Variants in HS3ST3A1 observed in about 807,000 individuals in gnomAD.
The protein encoded by HS3ST3A1 is heparan sulfate-glucosamine 3-sulfotransferase 3A1, also known as heparan sulfate glucosamine 3-O-sulfotransferase 3A1.
Under a neutral mutation model 25.7 loss-of-function variants are expected in HS3ST3A1, and 19 were observed. The ratio of observed to expected loss-of-function variants is 0.74; its 90% CI spans 0.52 to 1.08. HS3ST3A1 has a LOEUF of 1.08. Among genes scored for constraint, HS3ST3A1 ranks in the 50% least tolerant of loss-of-function variants. The pLI is 0.00. For synonymous variants in HS3ST3A1, 226 were observed against 278.6 expected (o/e 0.81, Z 1.88); for missense variants, 459 against 594.3 (o/e 0.77, Z 2.37).
Position 13,577,880 on chromosome 17 carries a change from G to GTA in HS3ST3A1, c.599+22650_599+22651insTA, listed in dbSNP as rs1555542367. 2.9e-4 allele frequency among the ~76,000 whole-genome samples: 44 copies of GTA among 152,100 alleles called. 1 individual carries two copies. The East Asian group carries it at 8.3e-3, about 29-fold the overall frequency. ...GTAGCAGTTTCTGGTGTGTGTGTGT[G>GTA]TGTGTGTGTCAAAAGAATTCTTAGA... is the stretch of plus-strand genomic sequence containing the variant. On this transcript the variant is annotated intron_variant, in intron 1 of 1. Transcript: ENST00000284110.
In HS3ST3A1 at chr17:13,591,014, G is replaced by A. The variant is rs553866359; in HGVS notation, c.599+9517C>T. 7.3e-5 allele frequency among the ~76,000 whole-genome samples: 11 copies of A among 151,166 alleles called. No homozygotes were observed. The South Asian group carries it at 8.4e-4, about 12-fold the overall frequency. ...TGCTCCAATTCCAGATTCAGCAAGC[G>A]TCCTTCTGATTACATTTATTTTCTT... On this transcript the variant is annotated intron_variant, in intron 1 of 1. Transcript: ENST00000284110.
chr17:13,584,303 C>A (rs978158277), intron 1 of HS3ST3A1, among the ~76,000 whole-genome samples: 1 of 152,010 alleles, frequency 6.6e-6, no homozygotes, highest in Non-Finnish European at 1.5e-5. Context: ...AACCACTATG[C>A]TTTTACCAAA....
rs1455594975 is a variant in HS3ST3A1 at position 13,601,827 on chromosome 17, T to G, written c.-698A>C. On this transcript the variant is annotated 5_prime_UTR_variant, in exon 1 of 2. Coordinates refer to ENST00000284110, the MANE Select transcript of HS3ST3A1 (RefSeq NM_006042.3). ...CCAAACTGCTCTTGGACCCCACCTG[T>G]GAGCCGCGTGGCTGGGCTGGGCTGG... 1 of 153,674 alleles carries G rather than the reference T, an allele frequency of 6.5e-6. No homozygotes were observed. The highest frequency in any genetic ancestry group is 2.4e-5 in the African/African-American group (1 of 41,442). The allele number at this position is 153,674 out of a possible 1,614,324, so 9.5% of individuals were successfully genotyped here. A position where few individuals can be genotyped will look rare whatever the true frequency, so the allele number is the denominator to read the frequency against.
At chr17:13,515,721 T>C (rs1172137294) in intron 1 of HS3ST3A1, among the ~76,000 whole-genome samples, 1 of 152,174 alleles carries the variant, frequency 6.6e-6, no homozygotes, top group Non-Finnish European at 1.5e-5. Context: ...ACTGCCAAAC[T>C]GTTTTAAAAA....
chr17:13,524,238 A>G (rs138584220), intron 1 of HS3ST3A1, among the ~76,000 whole-genome samples: 14 of 152,144 alleles, frequency 9.2e-5, no homozygotes, highest in Non-Finnish European at 2.1e-4. Flanking sequence ...TAGCCTTCTG[A>G]TAGCTATTTA....
In HS3ST3A1 at chr17:13,496,309, C is replaced by G. The variant is rs2142285548; in HGVS notation, c.1109G>C (p.Arg370Thr). Reference sequence around the variant, plus strand: ...CTCGCGGTCGATCTCAGGATGGGTCCTGCCCTTGGTCTTGCCCAGGCAATG... The same window carrying G: ...CTCGCGGTCGATCTCAGGATGGGTCGTGCCCTTGGTCTTGCCCAGGCAATG... ...RPHCLGKTKGRTHPEIDREVV... is the reference protein window; with the variant it reads ...RPHCLGKTKGTTHPEIDREVV... Residue 370 changes from arginine to threonine, a missense_variant, in exon 2 of 2, where the codon AGG (arginine) becomes ACG (threonine). This residue lies in a region of HS3ST3A1 where 46 missense variants were observed against 59.0 expected (regional missense o/e 0.78). Transcript: ENST00000284110. 6.4e-7 allele frequency: 1 copy of G among 1,559,516 alleles called. No individual in the cohort carries two copies. The highest frequency in any genetic ancestry group is 2.3e-5 in the East Asian group (1 of 44,378).
intron 1 of HS3ST3A1, among the ~76,000 whole-genome samples, chr17:13,516,863 T>G (rs768229262): frequency 2.6e-5 from 4 of 152,118 alleles, no homozygotes; most frequent in Non-Finnish European, 5.9e-5. Context: ...ATTTTTTATA[T>G]TTTTAGTAGA....
chr17:13,506,139 A>T (rs1264265029), intron 1 of HS3ST3A1, among the ~76,000 whole-genome samples: 1 of 149,544 alleles, frequency 6.7e-6, no homozygotes, highest in African/African-American at 2.5e-5. Flanking sequence ...GAGACAAAAT[A>T]GTATTAGTTT....
chr17:13,542,703 T>C (rs562760463), intron 1 of HS3ST3A1, among the ~76,000 whole-genome samples: 19 of 152,194 alleles, frequency 1.2e-4, no homozygotes, highest in South Asian at 2.1e-4. Context: ...CCTTGGAATC[T>C]AAAGCAATAA....
Position 13,601,883 on chromosome 17 carries a change from ACT to A in HS3ST3A1, c.-756_-755del, listed in dbSNP as rs1022501166. ...GCGGGACCTGTCAGCGGCCCCCGCCACTCTGCTCGCAGGCGCTCACCGGCTGC... is the reference window on the plus strand; with the variant it reads ...GCGGGACCTGTCAGCGGCCCCCGCCACTGCTCGCAGGCGCTCACCGGCTGC... On this transcript the variant is annotated 5_prime_UTR_variant, in exon 1 of 2. Coordinates refer to ENST00000284110, the MANE Select transcript of HS3ST3A1 (RefSeq NM_006042.3). The A allele has an allele frequency of 6.6e-6, 1 of 152,160 alleles. No homozygotes were observed. The highest frequency in any genetic ancestry group is 2.4e-5 in the African/African-American group (1 of 41,228). The allele number at this position is 152,160 out of a possible 1,614,324, so 9.4% of individuals were successfully genotyped here. A position where few individuals can be genotyped will look rare whatever the true frequency, so the allele number is the denominator to read the frequency against.
At chr17:13,588,461 T>C (rs193256725) in intron 1 of HS3ST3A1, among the ~76,000 whole-genome samples, 2 of 152,312 alleles carry the variant, frequency 1.3e-5, no homozygotes, top group Admixed American at 6.5e-5. Context: ...GCACATTCAT[T>C]TTAGTCTTTT....
chr17:13,574,172 C>T (rs1465933249), intron 1 of HS3ST3A1, among the ~76,000 whole-genome samples: 1 of 141,242 alleles, frequency 7.1e-6, no homozygotes, highest in African/African-American at 2.7e-5. Context: ...CTCACTCTAT[C>T]ACTCAGGCTG....
chr17:13,527,413 A>C (rs1416365906), intron 1 of HS3ST3A1, among the ~76,000 whole-genome samples: 1 of 152,186 alleles, frequency 6.6e-6, no homozygotes, highest in Non-Finnish European at 1.5e-5. Flanking sequence ...TTGATGTGGA[A>C]AGTGTTTCCT....
At chr17:13,577,880 G>GTGTGTGTGTGTA (rs965171717) in intron 1 of HS3ST3A1, among the ~76,000 whole-genome samples, 4 of 152,100 alleles carry the variant, frequency 2.6e-5, no homozygotes, top group African/African-American at 9.6e-5. Context: ...GTGTGTGTGT[G>GTGTGTGTGTGTA]TGTGTGTGTC....
intron 1 of HS3ST3A1, among the ~76,000 whole-genome samples, chr17:13,599,955 C>T (rs548538532): frequency 6.6e-6 from 1 of 152,328 alleles, no homozygotes; most frequent in East Asian, 1.9e-4. Flanking sequence ...AATACAGTGC[C>T]TGGTTGCTTT....
At chr17:13,516,225 G>A (rs1042091916) in intron 1 of HS3ST3A1, among the ~76,000 whole-genome samples, 5 of 152,192 alleles carry the variant, frequency 3.3e-5, no homozygotes, top group South Asian at 2.1e-4. Flanking sequence ...CAGGAGAATC[G>A]CTTGAACCCA....
At chr17:13,513,007 G>A (rs1188922444) in intron 1 of HS3ST3A1, among the ~76,000 whole-genome samples, 2 of 152,196 alleles carry the variant, frequency 1.3e-5, no homozygotes, top group African/African-American at 4.8e-5. Context: ...TGTATTTCAT[G>A]TAACAGTTTA....
At chr17:13,574,506 CAGG>C in intron 1 of HS3ST3A1, among the ~76,000 whole-genome samples, 1 of 151,662 alleles carries the variant, frequency 6.6e-6, no homozygotes, top group Admixed American at 6.5e-5. Flanking sequence ...ATCACGAGGT[CAGG>C]AGATCGAGAC....
chr17:13,523,783 T>A (rs1906324547), intron 1 of HS3ST3A1, among the ~76,000 whole-genome samples: 1 of 152,236 alleles, frequency 6.6e-6, no homozygotes, highest in South Asian at 2.1e-4. Flanking sequence ...CAGATATATC[T>A]AAAATTCATT....
Sources: gnomAD v4.1 joint callset for allele counts (sites outside exome capture counted in the v4.1 genomes callset) on GRCh38, gnomAD v4.1.1 for gene constraint, gnomAD v4.1.1 regional missense constraint, MANE v1.5 for transcripts, NCBI Gene and HGNC (gene_info 2026-07-23, HGNC 2026-07-21) for gene names.